Variants in ZNF573 observed in about 807,000 individuals in gnomAD.
The protein encoded by ZNF573 is zinc finger protein 573.
In ZNF573, 41 loss-of-function variants were observed where a neutral mutation model predicts 57.4. The observed-to-expected ratio is 0.71, with a 90% CI of 0.56 to 0.93. ZNF573 has a LOEUF of 0.93. Among genes scored for constraint, ZNF573 ranks in the 40% least tolerant of loss-of-function variants. ZNF573 has a pLI of 0.00. For missense variants in ZNF573, 730 were observed against 794.8 expected, an observed-to-expected ratio of 0.92 and a Z score of 0.98; for synonymous variants, 249 against 261.0, an observed-to-expected ratio of 0.95 and a Z score of 0.44.
rs2045312257 is a variant in ZNF573, at chr19:37,740,099, C to T, written c.391G>A (p.Glu131Lys). 1 of 1,613,886 alleles carries T rather than the reference C, an allele frequency of 6.2e-7. No homozygotes were observed. Reference protein sequence around the residue: ...STQLQSIYKREKLYECKKCQK... With the variant: ...STQLQSIYKRKKLYECKKCQK... ...CATTTCTTACATTCATAGAGTTTCT[C>T]TCTCTTATATATGCTCTGAAGTTGT... Residue 131 changes from glutamate to lysine, a missense_variant, in exon 5 of 5, where the codon GAG becomes AAG. Physicochemically the swap from Glu to Lys is moderately conservative, Grantham distance 56 (BLOSUM62 1). Coordinates refer to ENST00000536220, the MANE Select transcript of ZNF573 (RefSeq NM_001172690.2).
chr19:37,759,246 C>G (rs1261232502), intron 4 of ZNF573: 3 of 532,006 alleles, frequency 5.6e-6, no homozygotes, highest in Admixed American at 1.3e-4. Context: ...CTGACAAGAA[C>G]ATAGCACCAT....
intron 4 of ZNF573, among the ~76,000 whole-genome samples, chr19:37,760,950 C>A (rs1396784947): frequency 2.6e-5 from 4 of 152,160 alleles, no homozygotes; most frequent in African/African-American, 9.7e-5. Flanking sequence ...GTAATCCCAG[C>A]ACTTTGGGAG....
At chr19:37,778,731 G>A (rs1236380172) in intron 1 of ZNF573, among the ~76,000 whole-genome samples, 1 of 152,088 alleles carries the variant, frequency 6.6e-6, no homozygotes, top group East Asian at 1.9e-4. Context: ...GGACCAGGGA[G>A]GGAGAAAAAA....
chr19:37,765,530 G>C (rs1312202275), intron 4 of ZNF573, among the ~76,000 whole-genome samples: 1 of 152,030 alleles, frequency 6.6e-6, no homozygotes, highest in Non-Finnish European at 1.5e-5. Context: ...GACCAACATG[G>C]AGAAACCCCA....
intron 1 of ZNF573, among the ~76,000 whole-genome samples, chr19:37,775,012 C>T (rs241948): frequency 0.83 from 109,031 of 132,016 alleles, 45,131 homozygotes; most frequent in East Asian, 0.91. Context: ...AACTCTCTCT[C>T]TTTTTTTTTT....
At chr19:37,747,961 C>T (rs1363494926) in intron 4 of ZNF573, among the ~76,000 whole-genome samples, 1 of 152,182 alleles carries the variant, frequency 6.6e-6, no homozygotes, top group Non-Finnish European at 1.5e-5. Context: ...GCTGGGATTA[C>T]AGGCATGAGC....
At chr19:37,756,062 G>A (rs1195702324) in intron 4 of ZNF573, among the ~76,000 whole-genome samples, 1 of 152,162 alleles carries the variant, frequency 6.6e-6, no homozygotes, top group Non-Finnish European at 1.5e-5. Context: ...CAGATGTCTG[G>A]CTGTCTCCTA....
At position 37,755,942 on chromosome 19, in the gene ZNF573, T is replaced by C. The variant is rs112027204; in HGVS notation, c.295+14063A>G. On this transcript the variant is annotated intron_variant, in intron 4 of 4. Coordinates refer to ENST00000536220, the MANE Select transcript of ZNF573 (RefSeq NM_001172690.2). ...AGGAAATTAATCACTTTTATAAACCTTGTAAGAAAAGCCCACTACTTGGGC... is the reference window on the plus strand; with the variant it reads ...AGGAAATTAATCACTTTTATAAACCCTGTAAGAAAAGCCCACTACTTGGGC... Among the ~76,000 whole-genome samples the C allele has an allele frequency of 3.2e-3, 488 of 152,264 alleles. 2 individuals are homozygous for C. Among genetic ancestry groups the C allele is most frequent in the African/African-American group, 0.011 (472 of 41,554 alleles).
At chr19:37,743,788 C>T (rs937420789) in intron 4 of ZNF573, among the ~76,000 whole-genome samples, 1 of 152,162 alleles carries the variant, frequency 6.6e-6, no homozygotes, top group Non-Finnish European at 1.5e-5. Context: ...TACATATACA[C>T]CATGGAATAC....
At chr19:37,761,887 A>G (rs957245746) in intron 4 of ZNF573, among the ~76,000 whole-genome samples, 2 of 152,244 alleles carry the variant, frequency 1.3e-5, no homozygotes, top group Non-Finnish European at 2.9e-5. Context: ...TTTTCTTCTC[A>G]ATCTGCCTTT....
At chr19:37,769,704 C>T (rs1235127136) in intron 4 of ZNF573, among the ~76,000 whole-genome samples, 4 of 123,918 alleles carry the variant, frequency 3.2e-5, no homozygotes, top group East Asian at 2.3e-4. Flanking sequence ...CTGGCCCGGG[C>T]GACAGAGCAA....
rs150089588 is a variant in ZNF573, at chr19:37,769,232, T to C, written c.295+773A>G. On this transcript the variant is annotated intron_variant, in intron 4 of 4. Coordinates refer to ENST00000536220, the MANE Select transcript of ZNF573 (RefSeq NM_001172690.2). ...AGCCACCCACCTTGGCCTCTCAAAG[T>C]GTTGGGATTACAGGCATGAGCCACT... Among the ~76,000 whole-genome samples the C allele has an allele frequency of 6.4e-3, 969 of 151,190 alleles. 29 individuals carry two copies. The highest frequency in any genetic ancestry group is 0.054 in the East Asian group (269 of 5,012).
chr19:37,757,438 CTGCCTGCCTCAGACTCCCA>C (rs2045499904), intron 4 of ZNF573, among the ~76,000 whole-genome samples: 1 of 151,962 alleles, frequency 6.6e-6, no homozygotes, highest in Non-Finnish European at 1.5e-5. Flanking sequence ...ACCTCGTGAT[CTGCCTGCCTCAGACTCCCA>C]AAGTGCTGGG....
At chr19:37,758,202 AATAT>A (rs550290940) in intron 4 of ZNF573, among the ~76,000 whole-genome samples, 37 of 17,138 alleles carry the variant, frequency 2.2e-3, no homozygotes, top group East Asian at 2.9e-3. Context: ...AGTATAATAA[AATAT>A]ATATATATAT....
At chr19:37,740,660 A>C in intron 4 of ZNF573, 1 of 452,512 alleles carries the variant, frequency 2.2e-6, no homozygotes, top group Non-Finnish European at 4.4e-6. Flanking sequence ...CTCATGTCAA[A>C]ACATCAGCTC....
chr19:37,742,044 G>C (rs1237605666), intron 4 of ZNF573, among the ~76,000 whole-genome samples: 2 of 152,046 alleles, frequency 1.3e-5, no homozygotes, highest in East Asian at 3.9e-4. Context: ...GACAAGCAGA[G>C]AGCCAAATCA....
At chr19:37,743,349 A>C (rs1350895765) in intron 4 of ZNF573, among the ~76,000 whole-genome samples, 3 of 151,936 alleles carry the variant, frequency 2.0e-5, no homozygotes, top group East Asian at 3.9e-4. Flanking sequence ...AAGAAGAAGA[A>C]GACATTTATG....
chr19:37,776,631 GATGGGACTTA>G (rs1486537548), intron 1 of ZNF573, among the ~76,000 whole-genome samples: 1 of 152,094 alleles, frequency 6.6e-6, no homozygotes, highest in Non-Finnish European at 1.5e-5. Flanking sequence ...AAGATAAATA[GATGGGACTTA>G]ATTAAACTAA....
intron 2 of ZNF573, 27 bp from the exon 3 acceptor site, chr19:37,771,723 T>A: frequency 1.3e-6 from 2 of 1,580,244 alleles, no homozygotes; most frequent in Non-Finnish European, 1.7e-6. Flanking sequence ...TACAAAATTT[T>A]AAAAACATTT....
Sources: gnomAD v4.1 joint callset for allele counts (sites outside exome capture counted in the v4.1 genomes callset) on GRCh38, gnomAD v4.1.1 for gene constraint, MANE v1.5 for transcripts, NCBI Gene and HGNC (gene_info 2026-07-23, HGNC 2026-07-21) for gene names.